XRN1: variants seen among roughly 807,000 people sequenced by gnomAD.
XRN1 encodes strand-exchange protein 1 homolog.
A neutral mutation model predicts 222.3 loss-of-function variants in XRN1; 67 were observed. The ratio of observed to expected loss-of-function variants is 0.30; its 90% CI spans 0.25 to 0.37. The LOEUF is 0.37. XRN1 is among the 10% of genes least tolerant of loss of function. The pLI is 1.00. For missense variants in XRN1, 1,707 were observed against 2,000.2 expected (o/e 0.85, Z 2.80); for synonymous variants, 643 against 652.4 (o/e 0.99, Z 0.22).
chr3:142,311,621 C>G lies in XRN1; in HGVS notation c.4975G>C (p.Ala1659Pro). ...TGAGATATACTATGGCCTTGAGAGG[C>G]AGTTTCAACTTGAAAAGAAGATGCA... ...QPASSFQVETASQGHSISHHK... is the reference protein window; with the variant it reads ...QPASSFQVETPSQGHSISHHK... Residue 1659 changes from alanine to proline, a missense_variant, in exon 41 of 41, where the codon GCC (alanine) becomes CCC (proline). By Grantham distance (27) the Ala-to-Pro change is conservative. Around this residue, in one of 2 missense-constraint regions of XRN1, gnomAD observed 473 missense variants for 482.0 expected, o/e 0.98. Transcript: ENST00000392981. 1 of 1,614,116 alleles carries G rather than the reference C, an allele frequency of 6.2e-7. No individual in the cohort carries two copies. Among genetic ancestry groups the G allele is most frequent in the African/African-American group, 1.3e-5 (1 of 75,038 alleles).
At chr3:142,397,684 T>C (rs1263089878) in intron 19 of XRN1, among the ~76,000 whole-genome samples, 4 of 152,120 alleles carry the variant, frequency 2.6e-5, no homozygotes, top group Admixed American at 2.0e-4. Flanking sequence ...TTTAAAAGCA[T>C]GGGAAGTACA....
At chr3:142,431,912 A>ATTATATATAATAT (rs1491093935) in intron 2 of XRN1, among the ~76,000 whole-genome samples, 1 of 41,406 alleles carries the variant, frequency 2.4e-5, no homozygotes, top group Non-Finnish European at 4.1e-5. Flanking sequence ...TTATATATAT[A>ATTATATATAATAT]AATATATATA....
Position 142,307,319 on chromosome 3 carries a change from G to A in XRN1, c.*4192C>T, listed in dbSNP as rs979783560. The A allele has an allele frequency of 2.6e-5, 4 of 151,700 alleles. No individual in the cohort carries two copies. Among genetic ancestry groups the A allele is most frequent in the Non-Finnish European group, 5.9e-5 (4 of 67,954 alleles). 9.4% of individuals were successfully genotyped at this position (151,700 alleles called of 1,614,324 possible). ...CCTATTTGGCCTGGACAATTTAATAGTATACCAACTGCTGAAACAACCAAG... is the reference window on the plus strand; with the variant it reads ...CCTATTTGGCCTGGACAATTTAATAATATACCAACTGCTGAAACAACCAAG... On this transcript the variant is annotated 3_prime_UTR_variant, in exon 41 of 41. Coordinates refer to ENST00000392981, the MANE Select transcript of XRN1 (RefSeq NM_001282857.2).
intron 20 of XRN1, among the ~76,000 whole-genome samples, chr3:142,387,403 T>C (rs191285171): frequency 6.6e-6 from 1 of 152,338 alleles, no homozygotes; most frequent in East Asian, 1.9e-4. Flanking sequence ...TTATTGTTTC[T>C]TGACTTGTAT....
rs923293635 is a variant in XRN1, at chr3:142,422,602, G to A, written c.947C>T (p.Thr316Ile). 6 of 1,613,430 alleles carry A rather than the reference G, an allele frequency of 3.7e-6. No homozygotes were observed. Among genetic ancestry groups the A allele is most frequent in the Non-Finnish European group, 5.1e-6 (6 of 1,179,748 alleles). The change falls in exon 8 of 41, where the codon ACC becomes ATC. Residue 316 changes from threonine (T) to isoleucine (I), a missense_variant. Thr to Ile is a moderately conservative substitution (Grantham distance 89). Transcript: ENST00000392981. ...ALPLLYGTYV[T>I]ILPELGGYIN... ...CTTACCCCCAAGTTCTGGCAGGATG[G>A]TAACATATGTTCCATAAAGAAGAGG...
Position 142,414,234 on chromosome 3 carries a change from G to C in XRN1, c.1494C>G (p.Leu498=), listed in dbSNP as rs773336008. 1.2e-6 allele frequency: 2 copies of C among 1,613,940 alleles called. No individual in the cohort carries two copies. Among genetic ancestry groups the C allele is most frequent in the Admixed American group, 3.3e-5 (2 of 60,002 alleles). The part of the protein sequence containing the change: ...FLSDIHNIST[L]KIHFELGKPF... The stretch of plus-strand genomic sequence containing the variant: ...GTTTTCCTAGTTCAAAATGGATTTT[G>C]AGTGTACTGATGTTGTGTATATCAG... The change falls in exon 14 of 41, where the codon CTC becomes CTG. Residue 498 remains leucine (L), a synonymous_variant. Coordinates refer to ENST00000392981, the MANE Select transcript of XRN1 (RefSeq NM_001282857.2).
Position 142,371,220 on chromosome 3 carries a change from TATC to T in XRN1, c.3068+16_3068+18del, listed in dbSNP as rs774528122. ...CTGAATTGAACTATGAGGTAATAAA[TATC>T]ATAAATCTTGCTTACCCATTCTCAT... On this transcript the variant is annotated intron_variant, in intron 26 of 40. Transcript: ENST00000392981. The T allele has an allele frequency of 7.6e-6, 12 of 1,585,280 alleles. No individual in the cohort carries two copies. In the South Asian group the frequency reaches 1.2e-4, roughly 16 times the overall value.
intron 37 of XRN1, among the ~76,000 whole-genome samples, chr3:142,326,555 A>G (rs948505809): frequency 6.6e-6 from 1 of 152,018 alleles, no homozygotes; most frequent in Non-Finnish European, 1.5e-5. Context: ...TTTTCTAAAT[A>G]TAAGATTATA....
rs1419517899 is a variant in XRN1, at chr3:142,312,703, C to T, written c.4677G>A (p.Ser1559=). The change falls in exon 40 of 41, where the codon TCG becomes TCA. Residue 1559 remains serine (S), a synonymous_variant. Transcript: ENST00000392981. ...GGAAGGGCTTCCCAGGAACTGGCAC[C>T]GATGGTCCCCATGGCATTGAGCCAA... The part of the protein sequence containing the change: ...HLFGSMPWGP[S]VPVPGKPFHH... The T allele has an allele frequency of 5.6e-6, 9 of 1,613,616 alleles. No homozygotes were observed. The highest frequency in any genetic ancestry group is 4.4e-5 in the South Asian group (4 of 91,062).
chr3:142,369,714 T>G lies in XRN1; in HGVS notation c.3204+771A>C, dbSNP rs1488178144. Among the ~76,000 whole-genome samples, 3 of 151,454 alleles carry G rather than the reference T, an allele frequency of 2.0e-5. No homozygotes were observed. The East Asian group carries it at 5.8e-4, about 30-fold the overall frequency. ...ATTGACTGTCAAAAGTCAATTAAAC[T>G]TTTTTGTTCTACAAAAAGATGAACT... is the stretch of plus-strand genomic sequence containing the variant. On this transcript the variant is annotated intron_variant, in intron 27 of 40. Coordinates refer to ENST00000392981, the MANE Select transcript of XRN1 (RefSeq NM_001282857.2).
chr3:142,379,932 TA>T, intron 23 of XRN1, 149 bp downstream of exon 23: 1 of 632,612 alleles, frequency 1.6e-6, no homozygotes, highest in Admixed American at 3.1e-5. Context: ...ATTCCACACT[TA>T]TTTTTAAATA....
Position 142,384,654 on chromosome 3 carries a change from C to G in XRN1, c.2371G>C (p.Glu791Gln). ...TGAGCATACACAACTGCAGATGTTT[C>G]ATTTATTATTATTCCTTTTCTTCTC... ...YLRRKGIIINETSAVVYAQLL... is the reference protein window; with the variant it reads ...YLRRKGIIINQTSAVVYAQLL... Residue 791 changes from glutamate to glutamine, a missense_variant, in exon 21 of 41, where the codon GAA becomes CAA. Coordinates refer to ENST00000392981, the MANE Select transcript of XRN1 (RefSeq NM_001282857.2). 1 of 1,598,066 alleles carries G rather than the reference C, an allele frequency of 6.3e-7. No individual in the cohort carries two copies. The highest frequency in any genetic ancestry group is 8.5e-7 in the Non-Finnish European group (1 of 1,173,796).
At chr3:142,357,267 A>G in intron 30 of XRN1, 148 bp from the exon 31 acceptor site, 2 of 708,336 alleles carry the variant, frequency 2.8e-6, no homozygotes, top group South Asian at 1.9e-5. Flanking sequence ...AATCACAGCA[A>G]TAGCTCAATT....
rs1251082120 is a variant in XRN1, at chr3:142,426,828, C to T, written c.322G>A (p.Ala108Thr). ...ATTGCCTTTTTAATTTTGTCTTCTG[C>T]CTCCTTTGCTGACCTTAAAGGTTAA... is the stretch of plus-strand genomic sequence containing the variant. ...RGRRFRSAKE[A>T]EDKIKKAIEK... The change falls in exon 3 of 41, where the codon GCA (alanine) becomes ACA (threonine). Residue 108 changes from alanine (A) to threonine (T), a missense_variant. Ala to Thr is a moderately conservative substitution (Grantham distance 58, BLOSUM62 0). Coordinates refer to ENST00000392981, the MANE Select transcript of XRN1 (RefSeq NM_001282857.2). 6.2e-7 allele frequency: 1 copy of T among 1,613,362 alleles called. No individual in the cohort carries two copies. The highest frequency in any genetic ancestry group is 8.5e-7 in the Non-Finnish European group (1 of 1,179,868).
chr3:142,336,164 A>G (rs192118185), intron 33 of XRN1, among the ~76,000 whole-genome samples: 1 of 152,182 alleles, frequency 6.6e-6, no homozygotes, highest in Admixed American at 6.5e-5. Context: ...GATGAAGGAG[A>G]TAGGAAAGGA....
chr3:142,323,825 C>A (rs1269300380), intron 37 of XRN1, among the ~76,000 whole-genome samples: 1 of 151,786 alleles, frequency 6.6e-6, no homozygotes, highest in Non-Finnish European at 1.5e-5. Flanking sequence ...AGTAATATCA[C>A]TCTTCTAACT....
intron 37 of XRN1, among the ~76,000 whole-genome samples, chr3:142,321,162 C>T (rs749676968): frequency 1.4e-4 from 20 of 143,674 alleles, no homozygotes; most frequent in Non-Finnish European, 2.5e-4. Context: ...CTCTGTTGCC[C>T]AGGCTGGAAT....
At chr3:142,404,322 T>A (rs1369798571) in intron 16 of XRN1, among the ~76,000 whole-genome samples, 1 of 152,194 alleles carries the variant, frequency 6.6e-6, no homozygotes, top group Non-Finnish European at 1.5e-5. Flanking sequence ...AAACATTTTA[T>A]AATGCCTGTT....
intron 29 of XRN1, among the ~76,000 whole-genome samples, chr3:142,364,126 C>T (rs2066741942): frequency 6.6e-6 from 1 of 152,212 alleles, no homozygotes; most frequent in South Asian, 2.1e-4. Flanking sequence ...AACACCCACC[C>T]CTTGGGTGAT....
Sources: gnomAD v4.1 joint callset for allele counts (sites outside exome capture counted in the v4.1 genomes callset) on GRCh38, gnomAD v4.1.1 for gene constraint, gnomAD v4.1.1 regional missense constraint, MANE v1.5 for transcripts, NCBI Gene and HGNC (gene_info 2026-07-23, HGNC 2026-07-21) for gene names.